Variants in PRUNE1 observed in about 807,000 individuals in gnomAD.
The protein encoded by PRUNE1 is prune exopolyphosphatase 1.
In PRUNE1, 25 loss-of-function variants were observed where a neutral mutation model predicts 42.5. That is an observed-to-expected ratio of 0.59 (90% CI 0.43 to 0.82). PRUNE1 has a LOEUF of 0.82. Ranked by LOEUF, PRUNE1 falls within the 40% of genes least tolerant of loss-of-function variation. The pLI, the probability that PRUNE1 is intolerant of heterozygous loss-of-function variation, is 0.00. For synonymous variants in PRUNE1, 203 were observed against 217.1 expected, an observed-to-expected ratio of 0.93 and a Z score of 0.57; for missense variants, 443 against 539.3, an observed-to-expected ratio of 0.82 and a Z score of 1.77.
chr1:151,011,732 G>C (rs1673779450), intron 1 of PRUNE1, among the ~76,000 whole-genome samples: 1 of 152,040 alleles, frequency 6.6e-6, no homozygotes, highest in South Asian at 2.1e-4. Context: ...CAGGATAAGA[G>C]AGTCATTTCA....
At chr1:151,012,850 CA>C (rs1373326143) in intron 1 of PRUNE1, among the ~76,000 whole-genome samples, 2 of 152,026 alleles carry the variant, frequency 1.3e-5, no homozygotes, top group Non-Finnish European at 2.9e-5. Context: ...CGGCTCACTG[CA>C]ACCTCCGCCT....
At chr1:151,021,036 A>AG (rs1674394407) in intron 3 of PRUNE1, among the ~76,000 whole-genome samples, 1 of 150,818 alleles carries the variant, frequency 6.6e-6, no homozygotes, top group Non-Finnish European at 1.5e-5. Flanking sequence ...AGTCCCAGCT[A>AG]CTTGGGAGGC....
intron 1 of PRUNE1, among the ~76,000 whole-genome samples, chr1:151,009,536 G>T (rs746019940): frequency 1.3e-5 from 2 of 152,158 alleles, no homozygotes; most frequent in Non-Finnish European, 2.9e-5. Flanking sequence ...CAGGCTCCAG[G>T]AGGTCACCCG....
intron 1 of PRUNE1, among the ~76,000 whole-genome samples, chr1:151,013,636 C>T (rs1202771834): frequency 6.6e-6 from 1 of 152,206 alleles, no homozygotes; most frequent in East Asian, 1.9e-4. Context: ...CCTGCTTGCT[C>T]TGCCTTTTCT....
In PRUNE1 at chr1:151,032,893, C is replaced by T. The variant is rs377289603; in HGVS notation, c.934-913C>T. Among the ~76,000 whole-genome samples the T allele has an allele frequency of 6.1e-4, 93 of 151,864 alleles. No individual in the cohort carries two copies. In the South Asian group the frequency reaches 0.011, roughly 18 times the overall value. ...GGTTCAAATGATTCTCCTATCTCAG[C>T]CTCCCAAGTAGCTGGGATTACAGGT... On this transcript the variant is annotated intron_variant, in intron 7 of 7. Transcript: ENST00000271620.
rs1675415530 is a variant in PRUNE1, at chr1:151,034,074, A to G, written c.1202A>G (p.Asp401Gly). Residue 401 changes from aspartate to glycine, a missense_variant, in exon 8 of 8, where the codon GAT (aspartate) becomes GGT (glycine). By Grantham distance (94) the Asp-to-Gly change is moderately conservative. Transcript: ENST00000271620. ...TCCCTGATTTCTGGCCTGAGTCAAG[A>G]TGAGGAGGACCCTCCGCTGCCCCCG... Reference protein sequence around the residue: ...SNSLISGLSQDEEDPPLPPTP... With the variant: ...SNSLISGLSQGEEDPPLPPTP... 1.9e-6 allele frequency: 3 copies of G among 1,614,220 alleles called. No homozygotes were observed. The East Asian group carries it at 6.7e-5, about 36-fold the overall frequency.
intron 7 of PRUNE1, among the ~76,000 whole-genome samples, chr1:151,030,808 A>G (rs1239854034): frequency 2.6e-5 from 4 of 152,190 alleles, no homozygotes; most frequent in African/African-American, 7.2e-5. Context: ...TTTTAAAGTC[A>G]GGTAGATGTG....
At chr1:151,027,766 G>A (rs978844656) in intron 6 of PRUNE1, among the ~76,000 whole-genome samples, 1 of 148,482 alleles carries the variant, frequency 6.7e-6, no homozygotes, top group African/African-American at 2.5e-5. Context: ...GTGTGTGTGT[G>A]TGTGTGTGTG....
At chr1:151,019,099 T>A (rs1035247515) in intron 3 of PRUNE1, among the ~76,000 whole-genome samples, 1 of 152,136 alleles carries the variant, frequency 6.6e-6, no homozygotes, top group Non-Finnish European at 1.5e-5. Flanking sequence ...AATTGATAGG[T>A]CATATTAGAT....
At position 151,018,003 on chromosome 1, in the gene PRUNE1, G is replaced by A. The variant is rs2102908987; in HGVS notation, c.132+99G>A. ...ACCACTTACCAGCATTTAGCATTGG[G>A]TAAATTAAATCCCTTAACTTTGCTG... On this transcript the variant is annotated intron_variant, in intron 2 of 7. Transcript: ENST00000271620. 11 of 799,066 alleles carry A rather than the reference G, an allele frequency of 1.4e-5. 1 individual carries two copies. The South Asian group carries it at 1.7e-4, about 12-fold the overall frequency. 49.5% of individuals were successfully genotyped at this position (799,066 alleles called of 1,614,324 possible).
chr1:151,033,790 A>G lies in PRUNE1; in HGVS notation c.934-16A>G. ...GCAAGTTGTGTATCATTTCCCTGTT[A>G]TTGTCTCCTCTTTAGATCTGTGAAG... On this transcript the variant is annotated splice_polypyrimidine_tract_variant and intron_variant, in intron 7 of 7. Coordinates refer to ENST00000271620, the MANE Select transcript of PRUNE1 (RefSeq NM_021222.3). The G allele has an allele frequency of 6.2e-7, 1 of 1,602,066 alleles. No homozygotes were observed. Among genetic ancestry groups the G allele is most frequent in the Non-Finnish European group, 8.5e-7 (1 of 1,170,624 alleles).
In PRUNE1 at chr1:151,034,122, A is replaced by G; in HGVS notation, c.1250A>G (p.Asp417Gly). Reference sequence around the variant, plus strand: ...CCGACGCCCATGAACAGCTTGGTGGATGAGTGCCCTCTAGATCAGGGGCTG... The same window carrying G: ...CCGACGCCCATGAACAGCTTGGTGGGTGAGTGCCCTCTAGATCAGGGGCTG... ...LPPTPMNSLV[D>G]ECPLDQGLPK... The change falls in exon 8 of 8, where the codon GAT becomes GGT. Residue 417 changes from aspartate (D) to glycine (G), a missense_variant. By Grantham distance (94) the Asp-to-Gly change is moderately conservative (BLOSUM62 -1). Transcript: ENST00000271620. 1 of 1,614,214 alleles carries G rather than the reference A, an allele frequency of 6.2e-7. No individual in the cohort carries two copies. Among genetic ancestry groups the G allele is most frequent in the Non-Finnish European group, 8.5e-7 (1 of 1,180,048 alleles).
At chr1:151,019,845 T>G (rs1175576371) in intron 3 of PRUNE1, among the ~76,000 whole-genome samples, 1 of 150,216 alleles carries the variant, frequency 6.7e-6, no homozygotes, top group Non-Finnish European at 1.5e-5. Context: ...TATTTTTTTT[T>G]GAGATGGAGT....
intron 1 of PRUNE1, among the ~76,000 whole-genome samples, chr1:151,014,966 T>A (rs1048460017): frequency 6.6e-6 from 1 of 151,640 alleles, no homozygotes; most frequent in African/African-American, 2.4e-5. Context: ...CCGAGGCAGC[T>A]GTATCACTTG....
At position 151,024,706 on chromosome 1, in the gene PRUNE1, TGGTGG is replaced by T. The variant is rs770735581; in HGVS notation, c.435_439del (p.Gly146LeufsTer39). 4 of 1,614,006 alleles carry T rather than the reference TGGTGG, an allele frequency of 2.5e-6. No individual in the cohort carries two copies. The highest frequency in any genetic ancestry group is 2.5e-6 in the Non-Finnish European group (3 of 1,180,026). ...CCTCCCTGCCATGTTTCAGTTGAGCTGGTGGGGTCCTGTGCTACCCTGGTGACCGA... is the reference window on the plus strand; with the variant it reads ...CCTCCCTGCCATGTTTCAGTTGAGCTGGTCCTGTGCTACCCTGGTGACCGA... On this transcript the variant is annotated frameshift_variant, in exon 4 of 8. Transcript: ENST00000271620. LOFTEE classifies it high-confidence loss of function.
At position 151,035,685 on chromosome 1, in the gene PRUNE1, G is replaced by C. The variant is rs915929640; in HGVS notation, c.*1451G>C. On this transcript the variant is annotated 3_prime_UTR_variant, in exon 8 of 8. Transcript: ENST00000271620. ...ACTTGGGTACTTTATTTTGCATTTT[G>C]TTATACTATTAAATAATTTTTTCCT... 1.3e-5 allele frequency: 2 copies of C among 152,548 alleles called. No homozygotes were observed. The highest frequency in any genetic ancestry group is 4.8e-5 in the African/African-American group (2 of 41,430). The allele number at this position is 152,548 out of a possible 1,614,324, so 9.4% of individuals were successfully genotyped here.
At chr1:151,010,421 A>G (rs1470768518) in intron 1 of PRUNE1, among the ~76,000 whole-genome samples, 1 of 152,094 alleles carries the variant, frequency 6.6e-6, no homozygotes, top group Non-Finnish European at 1.5e-5. Context: ...GAAGCTGGAA[A>G]AATACTTGAT....
chr1:151,032,550 C>T (rs2102945705), intron 7 of PRUNE1, among the ~76,000 whole-genome samples: 1 of 152,024 alleles, frequency 6.6e-6, no homozygotes, highest in Middle Eastern at 3.4e-3. Flanking sequence ...CCCGTCTCCA[C>T]TAAAAATACA....
chr1:151,008,502 T>G lies in PRUNE1; in HGVS notation c.-131T>G, dbSNP rs1571754667. On this transcript the variant is annotated 5_prime_UTR_variant, in exon 1 of 8. Coordinates refer to ENST00000271620, the MANE Select transcript of PRUNE1 (RefSeq NM_021222.3). ...GGAGGCCGATTCGCCGTGTGGCGGG[T>G]TCGAGTCCCGCCTCCTGACTCTGGC... is the stretch of plus-strand genomic sequence containing the variant. The G allele has an allele frequency of 3.9e-6, 5 of 1,290,784 alleles. No homozygotes were observed. The allele number at this position is 1,290,784 out of a possible 1,614,324, so 80.0% of individuals were successfully genotyped here. A position where few individuals can be genotyped will look rare whatever the true frequency, so the allele number is the denominator to read the frequency against.
Sources: allele counts gnomAD v4.1 joint callset (sites outside exome capture counted in the v4.1 genomes callset), GRCh38; gene constraint gnomAD v4.1.1; transcripts MANE v1.5; gene names NCBI Gene and HGNC (gene_info 2026-07-23, HGNC 2026-07-21).